Variants in ELOVL5 observed in about 807,000 individuals in gnomAD.
ELOVL5 encodes the protein very long chain fatty acid elongase 5.
Under a neutral mutation model 38.6 loss-of-function variants are expected in ELOVL5, and 8 were observed. The observed-to-expected ratio is 0.21, with a 90% CI of 0.12 to 0.37. ELOVL5 has a LOEUF of 0.37. Ranked by LOEUF, ELOVL5 falls within the 10% of genes least tolerant of loss-of-function variation. ELOVL5 has a pLI of 1.00. For missense variants in ELOVL5, 280 were observed against 367.8 expected, an observed-to-expected ratio of 0.76 and a Z score of 1.95; for synonymous variants, 127 against 133.7, an observed-to-expected ratio of 0.95 and a Z score of 0.34.
At chr6:53,340,738 A>G (rs1485916410) in intron 1 of ELOVL5, among the ~76,000 whole-genome samples, 1 of 152,194 alleles carries the variant, frequency 6.6e-6, no homozygotes, top group African/African-American at 2.4e-5. Flanking sequence ...GGTTTGTCTA[A>G]GTACACTCTA....
At chr6:53,346,109 T>C (rs929744289) in intron 1 of ELOVL5, among the ~76,000 whole-genome samples, 17 of 152,262 alleles carry the variant, frequency 1.1e-4, no homozygotes, top group African/African-American at 3.1e-4. Context: ...TCCCTCCCTG[T>C]GTCCATGTGT....
chr6:53,329,022 A>G (rs1581986994), intron 1 of ELOVL5, among the ~76,000 whole-genome samples: 2 of 152,256 alleles, frequency 1.3e-5, no homozygotes, highest in African/African-American at 2.4e-5. Flanking sequence ...TGAAGTTCAC[A>G]TGTGAAGGTG....
intron 1 of ELOVL5, among the ~76,000 whole-genome samples, chr6:53,319,478 T>G (rs1768210422): frequency 6.6e-6 from 1 of 152,164 alleles, no homozygotes; most frequent in African/African-American, 2.4e-5. Flanking sequence ...CAGCCACATT[T>G]CAAGTGCTCA....
intron 1 of ELOVL5, among the ~76,000 whole-genome samples, chr6:53,317,746 T>C (rs1207451186): frequency 6.6e-6 from 1 of 150,878 alleles, no homozygotes; most frequent in Non-Finnish European, 1.5e-5. Flanking sequence ...TATACATATG[T>C]AACAAGCCTG....
chr6:53,326,009 G>A (rs1768526697), intron 1 of ELOVL5, among the ~76,000 whole-genome samples: 1 of 152,184 alleles, frequency 6.6e-6, no homozygotes. Context: ...AGGTTATTAA[G>A]GACTTTGCAG....
chr6:53,340,802 C>T (rs771923115), intron 1 of ELOVL5, among the ~76,000 whole-genome samples: 5 of 152,176 alleles, frequency 3.3e-5, no homozygotes, highest in African/African-American at 4.8e-5. Context: ...AAAAAGTATT[C>T]CCATTGTCAA....
In ELOVL5 at chr6:53,295,788, C is replaced by A. The variant is rs1766971787; in HGVS notation, c.-8-81G>T. 3 of 894,136 alleles carry A rather than the reference C, an allele frequency of 3.4e-6. No individual in the cohort carries two copies. The Admixed American group carries it at 9.8e-5, about 29-fold the overall frequency. The allele number at this position is 894,136 out of a possible 1,614,324, so 55.4% of individuals were successfully genotyped here. On this transcript the variant is annotated intron_variant, in intron 1 of 7. Coordinates refer to ENST00000304434, the MANE Select transcript of ELOVL5 (RefSeq NM_021814.5). The stretch of plus-strand genomic sequence containing the variant: ...GTATTTTTTCATAAAAGAATAAATT[C>A]TTTTCAAAGAATATGCTACAGACAA...
rs373505112 is a variant in ELOVL5, at chr6:53,269,094, T to A, written c.*33A>T. On this transcript the variant is annotated 3_prime_UTR_variant, in exon 8 of 8. Coordinates refer to ENST00000304434, the MANE Select transcript of ELOVL5 (RefSeq NM_021814.5). Reference sequence around the variant, plus strand: ...AACTCATATTGTGCTTACAATCAGATGACGTGGTTTGGAGGGTTTCAATTC... The same window carrying A: ...AACTCATATTGTGCTTACAATCAGAAGACGTGGTTTGGAGGGTTTCAATTC... The A allele has an allele frequency of 3.7e-6, 6 of 1,608,468 alleles. No homozygotes were observed. The South Asian group carries it at 5.5e-5, about 15-fold the overall frequency.
intron 1 of ELOVL5, among the ~76,000 whole-genome samples, chr6:53,311,789 T>C (rs974772708): frequency 2.0e-5 from 3 of 152,152 alleles, no homozygotes; most frequent in African/African-American, 4.8e-5. Context: ...GATCCATCAG[T>C]GGTTGCCAGG....
chr6:53,292,150 T>C (rs1766799975), intron 2 of ELOVL5, among the ~76,000 whole-genome samples, 187 bp from the exon 3 acceptor site: 1 of 152,170 alleles, frequency 6.6e-6, no homozygotes, highest in African/African-American at 2.4e-5. Context: ...CCTTGTTACA[T>C]GCTCTGAATA....
At chr6:53,331,466 G>A (rs1250906786) in intron 1 of ELOVL5, among the ~76,000 whole-genome samples, 1 of 152,162 alleles carries the variant, frequency 6.6e-6, no homozygotes, top group African/African-American at 2.4e-5. Context: ...AATTAGCAGT[G>A]CAGTAGGTTT....
chr6:53,311,189 A>G (rs1403939978), intron 1 of ELOVL5, among the ~76,000 whole-genome samples: 1 of 152,212 alleles, frequency 6.6e-6, no homozygotes, highest in East Asian at 1.9e-4. Flanking sequence ...ACACCACTGG[A>G]AACTTCAACA....
chr6:53,272,075 C>T (rs1017915712), intron 6 of ELOVL5, among the ~76,000 whole-genome samples: 2 of 152,136 alleles, frequency 1.3e-5, no homozygotes, highest in Non-Finnish European at 2.9e-5. Context: ...GAAAATGAAA[C>T]ATCAAACACT....
At chr6:53,286,744 T>C (rs1254700772) in intron 3 of ELOVL5, among the ~76,000 whole-genome samples, 1 of 152,174 alleles carries the variant, frequency 6.6e-6, no homozygotes, top group Non-Finnish European at 1.5e-5. Flanking sequence ...TCAAGATGAA[T>C]TGGTCAAAAA....
chr6:53,275,377 GC>G, intron 4 of ELOVL5, 116 bp from the exon 5 acceptor site: 1 of 991,158 alleles, frequency 1.0e-6, no homozygotes. Flanking sequence ...AAGCCCGAGT[GC>G]CCCAAGAGCT....
In ELOVL5 at chr6:53,310,012, T is replaced by TG. The variant is rs1282238819; in HGVS notation, c.-8-14306_-8-14305insC. 3.9e-5 allele frequency among the ~76,000 whole-genome samples: 6 copies of TG among 152,268 alleles called. No homozygotes were observed. The East Asian group carries it at 9.6e-4, about 24-fold the overall frequency. ...TTGGGGGTAATTTGTTAACAATAGA[T>TG]AAAAGCCTTAGAAATTAACAAGGTC... On this transcript the variant is annotated intron_variant, in intron 1 of 7. Transcript: ENST00000304434.
At chr6:53,321,544 A>G (rs1235303945) in intron 1 of ELOVL5, among the ~76,000 whole-genome samples, 2 of 152,200 alleles carry the variant, frequency 1.3e-5, no homozygotes, top group South Asian at 2.1e-4. Context: ...AAATTGGCCA[A>G]TTAGGTCGAA....
intron 1 of ELOVL5, among the ~76,000 whole-genome samples, chr6:53,305,107 G>A (rs1430497254): frequency 1.4e-5 from 2 of 143,852 alleles, no homozygotes; most frequent in Non-Finnish European, 3.1e-5. Context: ...GCAGGGGGCT[G>A]ACCCCCCCAC....
At position 53,344,952 on chromosome 6, in the gene ELOVL5, C is replaced by A. The variant is rs190983893; in HGVS notation, c.-9+3865G>T. On this transcript the variant is annotated intron_variant, in intron 1 of 7. Transcript: ENST00000304434. The stretch of plus-strand genomic sequence containing the variant: ...AGTCAATTTAGTTTAATCCAATCAT[C>A]CATTCGGTCCTTAAAACAGACGCTG... Among the ~76,000 whole-genome samples the A allele has an allele frequency of 5.3e-5, 8 of 152,302 alleles. No individual in the cohort carries two copies. In the East Asian group the frequency reaches 1.5e-3, roughly 29 times the overall value.
Sources: gnomAD v4.1 joint callset for allele counts (sites outside exome capture counted in the v4.1 genomes callset) on GRCh38, gnomAD v4.1.1 for gene constraint, MANE v1.5 for transcripts, NCBI Gene and HGNC (gene_info 2026-07-23, HGNC 2026-07-21) for gene names.